Variants in SLC25A27 observed in about 807,000 individuals in gnomAD.
SLC25A27 encodes mitochondrial uncoupling protein 4.
Under a neutral mutation model 49.1 loss-of-function variants are expected in SLC25A27, and 35 were observed. The ratio of observed to expected loss-of-function variants is 0.71; its 90% CI spans 0.54 to 0.95. The LOEUF is 0.95. SLC25A27 is among the 40% of genes least tolerant of loss of function. The pLI, the probability that SLC25A27 is intolerant of heterozygous loss-of-function variation, is 0.00. For missense variants in SLC25A27, 339 were observed against 397.1 expected (o/e 0.85, Z 1.24); for synonymous variants, 144 against 136.9 (o/e 1.05, Z -0.36).
rs1314501242 is a variant in SLC25A27, at chr6:46,653,046, C to T, written c.-147C>T. Reference sequence around the variant, plus strand: ...TGGGACTGCTAGGAAGGTTGCGGGTCCACCCGGCCGAGCCGAACGAGGGAA... The same window carrying T: ...TGGGACTGCTAGGAAGGTTGCGGGTTCACCCGGCCGAGCCGAACGAGGGAA... On this transcript the variant is annotated 5_prime_UTR_variant, in exon 1 of 9. Transcript: ENST00000371347. 1 of 722,412 alleles carries T rather than the reference C, an allele frequency of 1.4e-6. No homozygotes were observed. Among genetic ancestry groups the T allele is most frequent in the Non-Finnish European group, 2.3e-6 (1 of 431,684 alleles). 44.8% of individuals were successfully genotyped at this position (722,412 alleles called of 1,614,324 possible).
chr6:46,671,234 G>C lies in SLC25A27; in HGVS notation c.900+6G>C. The C allele has an allele frequency of 4.8e-6, 7 of 1,470,634 alleles. No individual in the cohort carries two copies. The highest frequency in any genetic ancestry group is 6.4e-6 in the Non-Finnish European group (7 of 1,085,414). The allele number at this position is 1,470,634 out of a possible 1,614,324, so 91.1% of individuals were successfully genotyped here. A position where few individuals can be genotyped will look rare whatever the true frequency, so the allele number is the denominator to read the frequency against. Reference sequence around the variant, plus strand: ...TACCATCTTGGCTGAGAATGGTAAAGTTAGGTTTACTTCCTTTGTTTTTTT... The same window carrying C: ...TACCATCTTGGCTGAGAATGGTAAACTTAGGTTTACTTCCTTTGTTTTTTT... On this transcript the variant is annotated splice_donor_region_variant and intron_variant, in intron 8 of 8. Coordinates refer to ENST00000371347, the MANE Select transcript of SLC25A27 (RefSeq NM_004277.5).
In SLC25A27 at chr6:46,668,818, TG is replaced by T. The variant is rs776330911; in HGVS notation, c.704+26del. 4 of 1,345,116 alleles carry T rather than the reference TG, an allele frequency of 3.0e-6. No individual in the cohort carries two copies. In the South Asian group the frequency reaches 3.7e-5, roughly 13 times the overall value. The allele number at this position is 1,345,116 out of a possible 1,614,324, so 83.3% of individuals were successfully genotyped here. On this transcript the variant is annotated intron_variant, in intron 6 of 8. Transcript: ENST00000371347. ...GGTAAGGATTGTTTTAGTTGGACTC[TG>T]TTTTTTTTTTTTGTATCACTTTTTC...
At chr6:46,676,054 G>A (rs183208536) in intron 8 of SLC25A27, among the ~76,000 whole-genome samples, 23 of 152,240 alleles carry the variant, frequency 1.5e-4, no homozygotes, top group African/African-American at 5.1e-4. Flanking sequence ...AAAGAACTCT[G>A]AGAATGGAAA....
intron 2 of SLC25A27, among the ~76,000 whole-genome samples, chr6:46,656,245 A>G (rs1762975230): frequency 6.6e-6 from 1 of 151,670 alleles, no homozygotes; most frequent in African/African-American, 2.4e-5. Context: ...CAGTGGCGCC[A>G]TCTCAGCTCA....
chr6:46,676,503 A>G lies in SLC25A27; in HGVS notation c.*49A>G. On this transcript the variant is annotated 3_prime_UTR_variant, in exon 9 of 9. Coordinates refer to ENST00000371347, the MANE Select transcript of SLC25A27 (RefSeq NM_004277.5). ...AGATACAGTGTTCAGTATTATTGAA[A>G]TATGGGCATCTGCAACACATACCCC... The G allele has an allele frequency of 6.2e-7, 1 of 1,612,134 alleles. No individual in the cohort carries two copies. Among genetic ancestry groups the G allele is most frequent in the Non-Finnish European group, 8.5e-7 (1 of 1,178,666 alleles).
intron 3 of SLC25A27, among the ~76,000 whole-genome samples, chr6:46,659,577 G>T (rs1483091697): frequency 6.6e-6 from 1 of 152,194 alleles, no homozygotes; most frequent in Non-Finnish European, 1.5e-5. Context: ...ACACACGCTG[G>T]GCGGGGTGGC....
chr6:46,669,587 C>T (rs1742495850), intron 6 of SLC25A27, among the ~76,000 whole-genome samples: 1 of 152,044 alleles, frequency 6.6e-6, no homozygotes, highest in Non-Finnish European at 1.5e-5. Flanking sequence ...TGTGTGTGTG[C>T]ACGCGCATGC....
At chr6:46,656,438 C>T (rs1056853454) in intron 2 of SLC25A27, among the ~76,000 whole-genome samples, 6 of 151,844 alleles carry the variant, frequency 4.0e-5, no homozygotes, top group South Asian at 4.2e-4. Flanking sequence ...CTTTGTCTCC[C>T]GAGTTCAAGC....
chr6:46,665,883 A>T (rs1763310034), intron 5 of SLC25A27, among the ~76,000 whole-genome samples: 1 of 152,218 alleles, frequency 6.6e-6, no homozygotes, highest in African/African-American at 2.4e-5. Context: ...TTAACACATT[A>T]TTGGTGTCCC....
At chr6:46,654,100 C>T in intron 1 of SLC25A27, 9 of 984,886 alleles carry the variant, frequency 9.1e-6, no homozygotes, top group Non-Finnish European at 1.1e-5. Flanking sequence ...AATGATGATG[C>T]CCTTGAATGA....
chr6:46,669,309 G>GGGTTT (rs1009900562), intron 6 of SLC25A27, among the ~76,000 whole-genome samples: 2 of 152,300 alleles, frequency 1.3e-5, no homozygotes, highest in Non-Finnish European at 2.9e-5. Flanking sequence ...AAATAGACAA[G>GGGTTT]GGTTTTCAAA....
rs59481745 is a variant in SLC25A27 at position 46,655,946 on chromosome 6, A to G, written c.210A>G (p.Gly70=). The change falls in exon 2 of 9, where the codon GGA becomes GGG. Residue 70 remains glycine, a synonymous_variant. Coordinates refer to ENST00000371347, the MANE Select transcript of SLC25A27 (RefSeq NM_004277.5). ...DGARESAPYR[G]MVRTALGIIE... is the part of the protein sequence containing the mutation. ...CAAGAGAATCTGCCCCCTATAGGGG[A>G]ATGGTGCGCACAGCTCTAGGGATCA... 5.3e-4 allele frequency: 858 copies of G among 1,613,916 alleles called. 2 individuals carry two copies. In the African/African-American group the frequency reaches 9.8e-3, roughly 18 times the overall value.
chr6:46,658,971 G>A lies in SLC25A27; in HGVS notation c.308G>A (p.Gly103Glu). Residue 103 changes from glycine to glutamate, a missense_variant, in exon 3 of 9, where the codon GGA becomes GAA. Transcript: ENST00000371347. Reference protein sequence around the residue: ...PAIYRHVVYSGGRMVTYEHLR... With the variant: ...PAIYRHVVYSEGRMVTYEHLR... The stretch of plus-strand genomic sequence containing the variant: ...GATCTTTTTTACCCAGTGTATTCTG[G>A]AGGTCGAATGGTCACATATGAACAT... 2.5e-6 allele frequency: 4 copies of A among 1,612,300 alleles called. No homozygotes were observed. The highest frequency in any genetic ancestry group is 3.4e-6 in the Non-Finnish European group (4 of 1,178,394).
chr6:46,664,188 A>T (rs1763252581), intron 4 of SLC25A27, among the ~76,000 whole-genome samples: 1 of 152,208 alleles, frequency 6.6e-6, no homozygotes, highest in Non-Finnish European at 1.5e-5. Flanking sequence ...AGAAGTTTTC[A>T]TATTTGTTTA....
At chr6:46,659,293 C>CT (rs1763085653) in intron 3 of SLC25A27, among the ~76,000 whole-genome samples, 1 of 152,006 alleles carries the variant, frequency 6.6e-6, no homozygotes, top group Non-Finnish European at 1.5e-5. Context: ...TATAGAGTAC[C>CT]TTTTTATTCC....
At chr6:46,655,819 T>C (rs776369090) in intron 1 of SLC25A27, 24 bp from the exon 2 acceptor site, 1 of 1,605,328 alleles carries the variant, frequency 6.2e-7, no homozygotes, top group Admixed American at 1.7e-5. Context: ...TGTGGGTTTT[T>C]CCCTGCATTT....
intron 3 of SLC25A27, among the ~76,000 whole-genome samples, chr6:46,661,245 T>A (rs1763152628): frequency 6.6e-6 from 1 of 152,196 alleles, no homozygotes; most frequent in Non-Finnish European, 1.5e-5. Context: ...AATATGATAA[T>A]GTATGTGCTC....
chr6:46,656,522 T>G (rs1762985912), intron 2 of SLC25A27, among the ~76,000 whole-genome samples: 1 of 152,036 alleles, frequency 6.6e-6, no homozygotes, highest in Non-Finnish European at 1.5e-5. Flanking sequence ...ATTTTTGTAT[T>G]TTTAGTAGAG....
At chr6:46,661,871 G>A (rs1473739508) in intron 3 of SLC25A27, among the ~76,000 whole-genome samples, 2 of 152,180 alleles carry the variant, frequency 1.3e-5, no homozygotes, top group African/African-American at 4.8e-5. Context: ...AATTGTGATT[G>A]CTTCACTGGA....
Sources: allele counts gnomAD v4.1 joint callset (sites outside exome capture counted in the v4.1 genomes callset), GRCh38; gene constraint gnomAD v4.1.1; transcripts MANE v1.5; gene names NCBI Gene and HGNC (gene_info 2026-07-23, HGNC 2026-07-21).